IL1RAPL2: variants seen among roughly 807,000 people sequenced by gnomAD.
IL1RAPL2 encodes X-linked interleukin-1 receptor accessory protein-like 2.
In IL1RAPL2, 3 loss-of-function variants were observed where a neutral mutation model predicts 44.1. The observed-to-expected ratio is 0.07, with a 90% confidence interval of 0.03 to 0.18. The LOEUF is 0.18. Ranked by LOEUF, IL1RAPL2 falls within the 10% of genes least tolerant of loss-of-function variation. IL1RAPL2 has a pLI of 1.00. For missense variants in IL1RAPL2, 391 were observed against 496.4 expected (o/e 0.79, Z 2.02); for synonymous variants, 181 against 178.8 (o/e 1.01, Z -0.10).
intron 3 of IL1RAPL2, among the ~76,000 whole-genome samples, chrX:105,217,353 T>C (rs2033871833): frequency 1.8e-5 from 2 of 112,115 alleles, no homozygotes; most frequent in Admixed American, 1.9e-4. Context: ...GAAAAAATGC[T>C]CATCATCACT....
chrX:104,731,190 T>A (rs1430202178), intron 2 of IL1RAPL2, among the ~76,000 whole-genome samples: 1 of 109,995 alleles, frequency 9.1e-6, no homozygotes, highest in Non-Finnish European at 1.9e-5. Context: ...CTGATGGTAG[T>A]TTCTTTTGCT....
chrX:104,894,301 T>G (rs927306541), intron 2 of IL1RAPL2, among the ~76,000 whole-genome samples: 2 of 111,480 alleles, frequency 1.8e-5, no homozygotes, highest in East Asian at 5.7e-4. Context: ...TGTGGCATTC[T>G]CTGTATTTCC....
intron 5 of IL1RAPL2, among the ~76,000 whole-genome samples, chrX:105,308,929 A>G (rs958810613): frequency 2.7e-5 from 3 of 111,735 alleles, no homozygotes; most frequent in African/African-American, 9.8e-5. Context: ...GTCACTCTAT[A>G]TCATTCCCAC....
At chrX:105,028,606 T>C (rs1014528650) in intron 2 of IL1RAPL2, among the ~76,000 whole-genome samples, 2 of 111,330 alleles carry the variant, frequency 1.8e-5, no homozygotes, top group Admixed American at 1.9e-4. Flanking sequence ...GAGTCATGCA[T>C]AGTGGGTTGT....
intron 2 of IL1RAPL2, among the ~76,000 whole-genome samples, chrX:104,800,358 A>G (rs1422549615): frequency 9.0e-6 from 1 of 110,887 alleles, no homozygotes; most frequent in East Asian, 2.8e-4. Context: ...CTATCATGCC[A>G]GGTATTTAAA....
chrX:104,730,014 T>C, intron 2 of IL1RAPL2, among the ~76,000 whole-genome samples: 1 of 110,454 alleles, frequency 9.1e-6, no homozygotes, highest in Non-Finnish European at 1.9e-5. Flanking sequence ...AATGATGATA[T>C]AAGGAAAAAA....
At chrX:104,770,607 T>C (rs1487274595) in intron 2 of IL1RAPL2, among the ~76,000 whole-genome samples, 2 of 112,285 alleles carry the variant, frequency 1.8e-5, no homozygotes, top group African/African-American at 6.5e-5. Context: ...AACTAATTTG[T>C]CTAAAGTAAT....
intron 5 of IL1RAPL2, among the ~76,000 whole-genome samples, chrX:105,480,049 G>T: frequency 8.9e-6 from 1 of 111,890 alleles, no homozygotes; most frequent in Non-Finnish European, 1.9e-5. Context: ...AAATTAATGA[G>T]TTTCTGTCCT....
At chrX:105,359,784 GTA>G (rs2035234423) in intron 5 of IL1RAPL2, among the ~76,000 whole-genome samples, 1 of 109,973 alleles carries the variant, frequency 9.1e-6, no homozygotes, top group Admixed American at 9.8e-5. Flanking sequence ...AGTAATAGTA[GTA>G]GTTTTAATTA....
At chrX:105,474,686 A>G (rs1322768291) in intron 5 of IL1RAPL2, among the ~76,000 whole-genome samples, 4 of 111,904 alleles carry the variant, frequency 3.6e-5, no homozygotes, top group Non-Finnish European at 7.5e-5. Context: ...TTTTCATCCC[A>G]TTCTTTGACC....
chrX:105,348,148 G>A (rs779754018), intron 5 of IL1RAPL2, among the ~76,000 whole-genome samples: 1 of 111,554 alleles, frequency 9.0e-6, no homozygotes, highest in Non-Finnish European at 1.9e-5. Flanking sequence ...TTGATAGCCG[G>A]TTCTGGGCCT....
At chrX:105,382,293 TCAA>T (rs2035438275) in intron 5 of IL1RAPL2, among the ~76,000 whole-genome samples, 1 of 107,269 alleles carries the variant, frequency 9.3e-6, no homozygotes, top group African/African-American at 3.6e-5. Context: ...AACAACCCCA[TCAA>T]CAAGTGGGCG....
At chrX:105,416,122 A>T (rs1199986890) in intron 5 of IL1RAPL2, among the ~76,000 whole-genome samples, 1 of 112,007 alleles carries the variant, frequency 8.9e-6, no homozygotes, top group Admixed American at 9.5e-5. Flanking sequence ...ATGGATATGG[A>T]TGTAGGTATA....
chrX:104,930,017 T>C (rs981499351), intron 2 of IL1RAPL2, among the ~76,000 whole-genome samples: 6 of 111,882 alleles, frequency 5.4e-5, no homozygotes, highest in African/African-American at 1.9e-4. Flanking sequence ...TGTGTTCTTT[T>C]TCGACATTAA....
intron 5 of IL1RAPL2, among the ~76,000 whole-genome samples, chrX:105,351,288 T>C (rs146555890): frequency 0.13 from 14,394 of 110,698 alleles, 2,299 homozygotes; most frequent in African/African-American, 0.45. Flanking sequence ...TGGGTATATA[T>C]CCAAAGGAAT....
At chrX:104,616,614 A>G (rs1055318986) in intron 1 of IL1RAPL2, among the ~76,000 whole-genome samples, 6 of 111,881 alleles carry the variant, frequency 5.4e-5, no homozygotes, top group Non-Finnish European at 1.1e-4. Context: ...CACTTGATGG[A>G]TCAGCTGGCA....
intron 2 of IL1RAPL2, among the ~76,000 whole-genome samples, chrX:105,029,643 G>C (rs1004805257): frequency 9.2e-6 from 1 of 109,189 alleles, no homozygotes; most frequent in Non-Finnish European, 1.9e-5. Context: ...TCTTAATCCT[G>C]TCTATCATTG....
chrX:105,461,159 A>G (rs1330463918), intron 5 of IL1RAPL2, among the ~76,000 whole-genome samples: 1 of 111,869 alleles, frequency 8.9e-6, no homozygotes, highest in African/African-American at 3.2e-5. Context: ...CTCAGTGATT[A>G]CTGCTGACTG....
chrX:105,124,360 C>A (rs754193318), intron 2 of IL1RAPL2, among the ~76,000 whole-genome samples: 1 of 110,785 alleles, frequency 9.0e-6, no homozygotes, highest in African/African-American at 3.3e-5. Flanking sequence ...TGTACACTTT[C>A]AAGGGATTTG....
Sources: allele counts gnomAD v4.1 joint callset (sites outside exome capture counted in the v4.1 genomes callset), GRCh38; gene constraint gnomAD v4.1.1; transcripts MANE v1.5; gene names NCBI Gene and HGNC (gene_info 2026-07-23, HGNC 2026-07-21).